Variants in GLTP observed in about 807,000 individuals in gnomAD.
GLTP encodes the protein glycolipid transfer protein.
In GLTP, 22 loss-of-function variants were observed where a neutral mutation model predicts 24.0. That is an observed-to-expected ratio of 0.92 (90% CI 0.65 to 1.31). GLTP has a LOEUF of 1.31. GLTP is among the 50% of genes most tolerant of loss of function. The pLI, the probability that GLTP is intolerant of heterozygous loss-of-function variation, is 0.00. For missense variants in GLTP, 224 were observed against 276.6 expected, an observed-to-expected ratio of 0.81 and a Z score of 1.35; for synonymous variants, 92 against 115.9, an observed-to-expected ratio of 0.79 and a Z score of 1.33.
At position 109,857,701 on chromosome 12, in the gene GLTP, C is replaced by A; in HGVS notation, c.163-42G>T. ...AAGATTTCCCCTTGGGTAAGCTGCC[C>A]CCATAGACATCTGGCCCGCACGCTG... On this transcript the variant is annotated intron_variant, in intron 2 of 4. Coordinates refer to ENST00000318348, the MANE Select transcript of GLTP (RefSeq NM_016433.4). The surrounding 1 kb of genome is among the most constrained non-coding windows in gnomAD (Gnocchi z 4.3). The A allele has an allele frequency of 6.2e-7, 1 of 1,612,446 alleles. No homozygotes were observed. The highest frequency in any genetic ancestry group is 8.5e-7 in the Non-Finnish European group (1 of 1,178,492).
At chr12:109,870,895 C>G (rs183113949) in intron 1 of GLTP, among the ~76,000 whole-genome samples, 1 of 152,008 alleles carries the variant, frequency 6.6e-6, no homozygotes, top group African/African-American at 2.4e-5. Flanking sequence ...CTAGAAGACC[C>G]TGGAGAGGGC....
intron 1 of GLTP, among the ~76,000 whole-genome samples, chr12:109,865,961 C>A (rs1433353575): frequency 2.0e-5 from 3 of 152,100 alleles, no homozygotes; most frequent in African/African-American, 7.2e-5. Flanking sequence ...ACAGAAACCT[C>A]CTATATGGGG....
intron 1 of GLTP, among the ~76,000 whole-genome samples, chr12:109,876,547 A>AAAGGAAAGG (rs1257242259): frequency 6.7e-6 from 1 of 150,358 alleles, no homozygotes; most frequent in Non-Finnish European, 1.5e-5. Context: ...GGAAGAAAAG[A>AAAGGAAAGG]AAGGAAAGGA....
intron 4 of GLTP, among the ~76,000 whole-genome samples, chr12:109,854,735 C>G (rs1003309012): frequency 6.6e-6 from 1 of 152,226 alleles, no homozygotes; most frequent in Admixed American, 6.5e-5. Context: ...GGGCAATGCA[C>G]TGTGGAGCTC....
intron 4 of GLTP, among the ~76,000 whole-genome samples, chr12:109,854,095 C>T (rs1346803310): frequency 2.0e-5 from 3 of 151,278 alleles, no homozygotes; most frequent in Non-Finnish European, 3.0e-5. Context: ...TGGTGGCTCA[C>T]GCCTGTAATC....
chr12:109,863,588 G>A (rs1845089373), intron 1 of GLTP, among the ~76,000 whole-genome samples: 1 of 152,206 alleles, frequency 6.6e-6, no homozygotes, highest in African/African-American at 2.4e-5. Flanking sequence ...CTATGGTTCA[G>A]ACTGACCCAA....
Position 109,857,495 on chromosome 12 carries a change from G to T in GLTP, c.296+31C>A. 1 of 1,611,044 alleles carries T rather than the reference G, an allele frequency of 6.2e-7. No homozygotes were observed. Among genetic ancestry groups the T allele is most frequent in the Non-Finnish European group, 8.5e-7 (1 of 1,179,202 alleles). On this transcript the variant is annotated intron_variant, in intron 3 of 4. Transcript: ENST00000318348. The surrounding 1 kb of genome is among the most constrained non-coding windows in gnomAD (Gnocchi z 4.3). ...TTTGCTTTCCCTCCTCTGCAGCACA[G>T]AGCCCAGGCCCTGCCACCTGAGCCC...
At chr12:109,874,034 C>T (rs2136049712) in intron 1 of GLTP, among the ~76,000 whole-genome samples, 1 of 152,332 alleles carries the variant, frequency 6.6e-6, no homozygotes, top group East Asian at 1.9e-4. Context: ...CACCATGGTG[C>T]CAGCAGAACC....
At chr12:109,858,865 C>T (rs548166102) in intron 1 of GLTP, 124 bp from the exon 2 acceptor site, 1 of 709,020 alleles carries the variant, frequency 1.4e-6, no homozygotes, top group African/African-American at 1.7e-5. Flanking sequence ...CTGAGTTGTT[C>T]TGGATGTTAC....
At chr12:109,861,344 C>T (rs913315868) in intron 1 of GLTP, among the ~76,000 whole-genome samples, 11 of 152,342 alleles carry the variant, frequency 7.2e-5, no homozygotes, top group South Asian at 2.1e-4. Flanking sequence ...GAATCCTGCA[C>T]GACCACTCCC....
intron 1 of GLTP, among the ~76,000 whole-genome samples, chr12:109,874,933 T>A (rs936113552): frequency 2.6e-5 from 4 of 152,072 alleles, no homozygotes; most frequent in African/African-American, 9.7e-5. Flanking sequence ...CCAATTTTTT[T>A]TGTATTTTTA....
chr12:109,856,526 G>C (rs1013861386), intron 3 of GLTP, among the ~76,000 whole-genome samples: 2 of 152,126 alleles, frequency 1.3e-5, no homozygotes, highest in Non-Finnish European at 2.9e-5. Flanking sequence ...CACAGGCCAG[G>C]ATGTGAACCC....
intron 1 of GLTP, among the ~76,000 whole-genome samples, chr12:109,862,700 T>C (rs1004673523): frequency 1.3e-5 from 2 of 152,072 alleles, no homozygotes; most frequent in Non-Finnish European, 2.9e-5. Context: ...CAATGAGCTA[T>C]GATTGTGTCA....
At chr12:109,860,758 G>A (rs1892862045) in intron 1 of GLTP, among the ~76,000 whole-genome samples, 1 of 152,212 alleles carries the variant, frequency 6.6e-6, no homozygotes, top group Non-Finnish European at 1.5e-5. Context: ...CTGCCTGGCA[G>A]TGCCTAGGAC....
intron 1 of GLTP, among the ~76,000 whole-genome samples, chr12:109,862,916 G>A (rs1334628129): frequency 2.0e-5 from 3 of 152,112 alleles, no homozygotes. Context: ...GCCAGGTGTG[G>A]TGGTGCATGT....
At chr12:109,867,377 G>A (rs1469855694) in intron 1 of GLTP, among the ~76,000 whole-genome samples, 1 of 152,054 alleles carries the variant, frequency 6.6e-6, no homozygotes, top group African/African-American at 2.4e-5. Context: ...TCAAACTCCT[G>A]AGCTCAAGCG....
chr12:109,879,297 GAGA>G (rs1303203879), intron 1 of GLTP, among the ~76,000 whole-genome samples: 5 of 152,188 alleles, frequency 3.3e-5, no homozygotes, highest in African/African-American at 1.2e-4. Context: ...AGCCCACATG[GAGA>G]AGGAGAATAG....
chr12:109,874,480 A>G (rs1194865598), intron 1 of GLTP, among the ~76,000 whole-genome samples: 1 of 152,122 alleles, frequency 6.6e-6, no homozygotes, highest in Non-Finnish European at 1.5e-5. Flanking sequence ...ATGAAGAAAA[A>G]TCAACCCCAG....
At chr12:109,867,542 C>T (rs1177527693) in intron 1 of GLTP, among the ~76,000 whole-genome samples, 1 of 152,188 alleles carries the variant, frequency 6.6e-6, no homozygotes, top group Non-Finnish European at 1.5e-5. Context: ...TCATGCATGG[C>T]CTCTGGGACA....
Sources: allele counts gnomAD v4.1 joint callset (sites outside exome capture counted in the v4.1 genomes callset), GRCh38; gene constraint gnomAD v4.1.1; non-coding constraint Gnocchi (gnomAD v3.1); transcripts MANE v1.5; gene names NCBI Gene and HGNC (gene_info 2026-07-23, HGNC 2026-07-21).